The following FBXL7 variants were observed in gnomAD, a reference collection of about 807,000 sequenced individuals.
FBXL7 encodes F-box/LRR-repeat protein 7.
In FBXL7, 12 loss-of-function variants were observed where a neutral mutation model predicts 38.3. The observed-to-expected ratio is 0.31, with a 90% CI of 0.20 to 0.51. The LOEUF (loss-of-function observed/expected upper bound fraction) is 0.51, where lower values mean the gene tolerates loss of function less well. Among genes scored for constraint, FBXL7 ranks in the 20% least tolerant of loss-of-function variants. The pLI, the probability that FBXL7 is intolerant of heterozygous loss-of-function variation, is 0.98. For missense variants in FBXL7, 567 were observed against 676.4 expected, an observed-to-expected ratio of 0.84 and a Z score of 1.79; for synonymous variants, 297 against 300.9, an observed-to-expected ratio of 0.99 and a Z score of 0.13.
At chr5:15,506,609 G>A (rs989078589) in intron 1 of FBXL7, among the ~76,000 whole-genome samples, 1 of 152,002 alleles carries the variant, frequency 6.6e-6, no homozygotes, top group African/African-American at 2.4e-5. Flanking sequence ...CTAGAGGCTG[G>A]AATTCTGAGA....
intron 2 of FBXL7, among the ~76,000 whole-genome samples, chr5:15,886,720 G>A (rs181414594): frequency 6.6e-4 from 101 of 152,246 alleles, no homozygotes; most frequent in Non-Finnish European, 1.2e-3. Context: ...CAGTGTACAC[G>A]GAGCCAAGGA....
chr5:15,555,483 C>G (rs1396407042), intron 1 of FBXL7, among the ~76,000 whole-genome samples: 4 of 152,156 alleles, frequency 2.6e-5, no homozygotes, highest in African/African-American at 9.7e-5. Context: ...CCTTACCCGG[C>G]ATCCTGGGTT....
At position 15,928,058 on chromosome 5, in the gene FBXL7, C is replaced by T. The variant is rs1177272712; in HGVS notation, c.296C>T (p.Pro99Leu). 3.2e-6 allele frequency: 5 copies of T among 1,584,412 alleles called. No homozygotes were observed. The highest frequency in any genetic ancestry group is 1.4e-5 in the African/African-American group (1 of 74,032). Residue 99 changes from proline to leucine, a missense_variant, in exon 3 of 4, where the codon CCG becomes CTG. Physicochemically the swap from Pro to Leu is moderately conservative, Grantham distance 98. Transcript: ENST00000504595. This position sits in a 1 kb window ranked among gnomAD's most constrained non-coding sequence, Gnocchi z 4.0. The stretch of plus-strand genomic sequence containing the variant: ...CCGCCCCCGACCCGCCTCACACACC[C>T]GCTCATCCGGCTCGCCTCCAGACCC... ...HSPPPTRLTH[P>L]LIRLASRPQK...
At chr5:15,714,231 T>G (rs1273311647) in intron 2 of FBXL7, among the ~76,000 whole-genome samples, 1 of 152,172 alleles carries the variant, frequency 6.6e-6, no homozygotes, top group Non-Finnish European at 1.5e-5. Context: ...CTCCTAATAG[T>G]GAGCGAGCTC....
intron 2 of FBXL7, among the ~76,000 whole-genome samples, chr5:15,920,870 T>C (rs1444310154): frequency 6.6e-6 from 1 of 152,094 alleles, no homozygotes; most frequent in Non-Finnish European, 1.5e-5. Context: ...TCTGATATCA[T>C]TGGGAGACAG....
chr5:15,843,406 T>G (rs1738803665), intron 2 of FBXL7, among the ~76,000 whole-genome samples: 1 of 152,326 alleles, frequency 6.6e-6, no homozygotes, highest in Non-Finnish European at 1.5e-5. Context: ...ACCTCTGTTT[T>G]TCACTGCTGT....
intron 2 of FBXL7, among the ~76,000 whole-genome samples, chr5:15,690,616 T>C (rs1057446604): frequency 1.3e-5 from 2 of 152,232 alleles, no homozygotes; most frequent in Admixed American, 6.5e-5. Context: ...CCAGAACTTA[T>C]TTCTTCTATC....
chr5:15,559,008 G>A (rs1362441382), intron 1 of FBXL7, among the ~76,000 whole-genome samples: 1 of 152,176 alleles, frequency 6.6e-6, no homozygotes, highest in Admixed American at 6.5e-5. Flanking sequence ...TACCAAAGAC[G>A]GTGCCTGGCA....
chr5:15,654,524 C>G (rs2126574971), intron 2 of FBXL7, among the ~76,000 whole-genome samples: 1 of 151,866 alleles, frequency 6.6e-6, no homozygotes, highest in African/African-American at 2.4e-5. Flanking sequence ...CGGAAGCCAT[C>G]TCTCTGTTTT....
intron 1 of FBXL7, among the ~76,000 whole-genome samples, chr5:15,527,297 C>A (rs1737277793): frequency 6.6e-6 from 1 of 151,842 alleles, no homozygotes; most frequent in African/African-American, 2.4e-5. Flanking sequence ...TATCATAATC[C>A]CTAAATTTAA....
intron 2 of FBXL7, among the ~76,000 whole-genome samples, chr5:15,651,374 C>T (rs149354762): frequency 0.021 from 3,140 of 152,116 alleles, 110 homozygotes; most frequent in African/African-American, 0.07. Context: ...GGATTACAAG[C>T]GTGAGCCACT....
intron 1 of FBXL7, among the ~76,000 whole-genome samples, chr5:15,614,625 A>G (rs1740382880): frequency 6.6e-6 from 1 of 152,206 alleles, no homozygotes. Flanking sequence ...GCAGCTTAAC[A>G]TAGGAGCATT....
At chr5:15,576,326 C>T (rs1738968195) in intron 1 of FBXL7, among the ~76,000 whole-genome samples, 1 of 152,106 alleles carries the variant, frequency 6.6e-6, no homozygotes, top group East Asian at 1.9e-4. Flanking sequence ...TCAGGTGATC[C>T]ACCCGCCTTG....
chr5:15,621,171 C>A (rs977984044), intron 2 of FBXL7, among the ~76,000 whole-genome samples: 2 of 152,138 alleles, frequency 1.3e-5, no homozygotes, highest in African/African-American at 4.8e-5. Context: ...AAGCCACAGC[C>A]CTTGTAAAGA....
At chr5:15,880,378 A>G (rs1160714088) in intron 2 of FBXL7, among the ~76,000 whole-genome samples, 1 of 152,154 alleles carries the variant, frequency 6.6e-6, no homozygotes, top group Non-Finnish European at 1.5e-5. Flanking sequence ...GGAGTCCCCA[A>G]CACAGGAGAA....
intron 2 of FBXL7, among the ~76,000 whole-genome samples, chr5:15,647,662 A>G (rs577671659): frequency 6.6e-6 from 1 of 152,344 alleles, no homozygotes; most frequent in Non-Finnish European, 1.5e-5. Context: ...AGAAAGAAGA[A>G]CACTTTTTAA....
chr5:15,719,610 A>T (rs2126650920), intron 2 of FBXL7, among the ~76,000 whole-genome samples: 1 of 149,164 alleles, frequency 6.7e-6, no homozygotes, highest in African/African-American at 2.4e-5. Flanking sequence ...AAAACAATCA[A>T]ATAGATTGAA....
intron 2 of FBXL7, among the ~76,000 whole-genome samples, chr5:15,767,271 G>T (rs1736617474): frequency 6.6e-6 from 1 of 151,698 alleles, no homozygotes. Context: ...AAAAAAAAAA[G>T]TCTATAATTT....
At chr5:15,606,323 C>T (rs538734630) in intron 1 of FBXL7, among the ~76,000 whole-genome samples, 5 of 152,162 alleles carry the variant, frequency 3.3e-5, no homozygotes, top group East Asian at 3.9e-4. Flanking sequence ...TACATGTATG[C>T]GTGTATGATT....
Sources: allele counts gnomAD v4.1 joint callset (sites outside exome capture counted in the v4.1 genomes callset), GRCh38; gene constraint gnomAD v4.1.1; non-coding constraint Gnocchi (gnomAD v3.1); transcripts MANE v1.5; gene names NCBI Gene and HGNC (gene_info 2026-07-23, HGNC 2026-07-21).